Variants in PLPPR1 observed in about 807,000 individuals in gnomAD.
The protein encoded by PLPPR1 is phospholipid phosphatase related 1.
In PLPPR1, 10 loss-of-function variants were observed where a neutral mutation model predicts 33.1. The ratio of observed to expected loss-of-function variants is 0.30; its 90% CI spans 0.19 to 0.51. The LOEUF (loss-of-function observed/expected upper bound fraction) is 0.51, where lower values mean the gene tolerates loss of function less well. Ranked by LOEUF, PLPPR1 falls within the 20% of genes least tolerant of loss-of-function variation. The probability of loss-of-function intolerance (pLI) is 0.97; values close to 1 mark genes in which losing one functional copy is unlikely to be tolerated. For missense variants in PLPPR1, 304 were observed against 408.1 expected (o/e 0.74, Z 2.20); for synonymous variants, 151 against 151.0 (o/e 1.00, Z 0.00).
At position 101,317,258 on chromosome 9, in the gene PLPPR1, G is replaced by A. The variant is rs148951655; in HGVS notation, c.814-107G>A. On this transcript the variant is annotated intron_variant, in intron 6 of 7. Coordinates refer to ENST00000374874, the MANE Select transcript of PLPPR1 (RefSeq NM_207299.2). ...CCTTTCCCCTCTCTCAAAGGAAAAA[G>A]GTCACTCTGGTGATGATATTCAAGG... 4 of 1,199,774 alleles carry A rather than the reference G, an allele frequency of 3.3e-6. No individual in the cohort carries two copies. In the African/African-American group the frequency reaches 4.6e-5, roughly 14 times the overall value. 74.3% of individuals were successfully genotyped at this position (1,199,774 alleles called of 1,614,324 possible).
chr9:101,235,894 G>A (rs1219349293), intron 2 of PLPPR1, among the ~76,000 whole-genome samples: 1 of 151,700 alleles, frequency 6.6e-6, no homozygotes, highest in Non-Finnish European at 1.5e-5. Flanking sequence ...TCCATGCTTG[G>A]CTGGCTTTAT....
intron 2 of PLPPR1, among the ~76,000 whole-genome samples, chr9:101,215,559 G>A (rs114676775): frequency 0.011 from 1,722 of 152,268 alleles, 30 homozygotes; most frequent in African/African-American, 0.038. Context: ...GTGAGCCACC[G>A]CGCCCAGCTG....
At chr9:101,094,556 G>C (rs1356400976) in intron 1 of PLPPR1, among the ~76,000 whole-genome samples, 1 of 152,114 alleles carries the variant, frequency 6.6e-6, no homozygotes, top group African/African-American at 2.4e-5. Flanking sequence ...GCTTAGGACT[G>C]TTTTATTTTC....
chr9:101,302,034 T>A (rs1458575142), intron 4 of PLPPR1, among the ~76,000 whole-genome samples: 1 of 152,202 alleles, frequency 6.6e-6, no homozygotes, highest in Non-Finnish European at 1.5e-5. Context: ...ACAATTATGA[T>A]TAAGAATATA....
At chr9:101,276,066 G>A (rs1328507245) in intron 3 of PLPPR1, among the ~76,000 whole-genome samples, 2 of 152,150 alleles carry the variant, frequency 1.3e-5, no homozygotes, top group East Asian at 1.9e-4. Flanking sequence ...GCTGGCTGAC[G>A]AGGGGTGCAG....
intron 2 of PLPPR1, among the ~76,000 whole-genome samples, chr9:101,246,132 A>C (rs1047732512): frequency 6.9e-6 from 1 of 144,538 alleles, no homozygotes; most frequent in Non-Finnish European, 1.5e-5. Context: ...AGATTTGTAT[A>C]AGCACTGAAA....
chr9:101,219,950 C>A (rs1349114823), intron 2 of PLPPR1, among the ~76,000 whole-genome samples: 2 of 152,126 alleles, frequency 1.3e-5, no homozygotes, highest in Non-Finnish European at 2.9e-5. Flanking sequence ...TGCCAGTGTC[C>A]TTTTTTCATT....
chr9:101,302,928 C>T (rs1828779567), intron 4 of PLPPR1, among the ~76,000 whole-genome samples: 1 of 152,152 alleles, frequency 6.6e-6, no homozygotes, highest in African/African-American at 2.4e-5. Flanking sequence ...TTCACGACAT[C>T]GTTTTACCAT....
intron 2 of PLPPR1, among the ~76,000 whole-genome samples, chr9:101,224,133 T>A (rs1827010977): frequency 6.6e-6 from 1 of 152,136 alleles, no homozygotes; most frequent in African/African-American, 2.4e-5. Flanking sequence ...AATATTCCAC[T>A]GTGCCATAGT....
intron 2 of PLPPR1, among the ~76,000 whole-genome samples, chr9:101,221,998 A>C (rs1364385609): frequency 1.3e-5 from 2 of 152,222 alleles, no homozygotes; most frequent in African/African-American, 2.4e-5. Context: ...ACCATGTAGA[A>C]AATCAGCATC....
chr9:101,094,397 C>T (rs1214942902), intron 1 of PLPPR1, among the ~76,000 whole-genome samples: 1 of 152,152 alleles, frequency 6.6e-6, no homozygotes, highest in Non-Finnish European at 1.5e-5. Context: ...TTGCTGAATA[C>T]ACAGGAATGC....
chr9:101,156,258 A>G (rs1245758226), intron 1 of PLPPR1, among the ~76,000 whole-genome samples: 1 of 152,110 alleles, frequency 6.6e-6, no homozygotes, highest in Admixed American at 6.6e-5. Flanking sequence ...TGTTAGAGAT[A>G]GCTGCAGAAG....
At chr9:101,246,717 A>G (rs1827617319) in intron 2 of PLPPR1, among the ~76,000 whole-genome samples, 1 of 152,050 alleles carries the variant, frequency 6.6e-6, no homozygotes, top group Non-Finnish European at 1.5e-5. Flanking sequence ...TCCAAAATTC[A>G]GTGGCATACA....
intron 1 of PLPPR1, among the ~76,000 whole-genome samples, chr9:101,048,078 C>G (rs749940475): frequency 1.3e-5 from 2 of 152,168 alleles, no homozygotes; most frequent in Non-Finnish European, 2.9e-5. Flanking sequence ...CTGAGTGAAT[C>G]ACCTGCTCCT....
chr9:101,322,198 C>CAAAAAAAAAA (rs57344415), intron 7 of PLPPR1, among the ~76,000 whole-genome samples: 6 of 27,682 alleles, frequency 2.2e-4, no homozygotes, highest in Non-Finnish European at 3.4e-4. Context: ...GACTTCATCT[C>CAAAAAAAAAA]AAAAAAAAAA....
chr9:101,217,808 G>A (rs1826833795), intron 2 of PLPPR1, among the ~76,000 whole-genome samples: 1 of 151,956 alleles, frequency 6.6e-6, no homozygotes, highest in South Asian at 2.1e-4. Context: ...TTAAACAATT[G>A]CCTATTAACA....
intron 2 of PLPPR1, among the ~76,000 whole-genome samples, chr9:101,238,641 A>C (rs114718380): frequency 6.6e-6 from 1 of 151,664 alleles, no homozygotes; most frequent in African/African-American, 2.4e-5. Flanking sequence ...AGGCGGAAAA[A>C]TAGGAGGAGA....
At chr9:101,323,788 G>A (rs1829199893) in intron 7 of PLPPR1, among the ~76,000 whole-genome samples, 1 of 151,672 alleles carries the variant, frequency 6.6e-6, no homozygotes, top group Admixed American at 6.6e-5. Context: ...GCAGTAAGCT[G>A]AGATTGCACC....
At chr9:101,157,277 T>A (rs1422190301) in intron 1 of PLPPR1, among the ~76,000 whole-genome samples, 1 of 152,200 alleles carries the variant, frequency 6.6e-6, no homozygotes, top group Non-Finnish European at 1.5e-5. Context: ...TTGGTCATGA[T>A]CTTTAAGAGG....
Sources: allele counts gnomAD v4.1 joint callset (sites outside exome capture counted in the v4.1 genomes callset), GRCh38; gene constraint gnomAD v4.1.1; transcripts MANE v1.5; gene names NCBI Gene and HGNC (gene_info 2026-07-23, HGNC 2026-07-21).